NAV2: variants seen among roughly 807,000 people sequenced by gnomAD.
The protein encoded by NAV2 is neuron navigator 2.
Under a neutral mutation model 223.2 loss-of-function variants are expected in NAV2, and 54 were observed. The observed-to-expected ratio is 0.24, with a 90% CI of 0.19 to 0.30. NAV2 has a LOEUF of 0.30. NAV2 is among the 10% of genes least tolerant of loss of function. The probability of loss-of-function intolerance (pLI) is 1.00; values close to 1 mark genes in which losing one functional copy is unlikely to be tolerated. For synonymous variants in NAV2, 1,279 were observed against 1,239.3 expected, an observed-to-expected ratio of 1.03 and a Z score of -0.67; for missense variants, 2,806 against 3,147.5, an observed-to-expected ratio of 0.89 and a Z score of 2.60.
rs369346832 is a variant in NAV2, at chr11:19,924,074, G to A, written c.932-9102G>A. Among the ~76,000 whole-genome samples, 25 of 152,230 alleles carry A rather than the reference G, an allele frequency of 1.6e-4. No individual in the cohort carries two copies. In the South Asian group the frequency reaches 3.5e-3, roughly 21 times the overall value. ...GTAGAATACATTTGATGTAAAGGGC[G>A]TGTGTGTGAGAGAGAGGGAGAGATT... On this transcript the variant is annotated intron_variant, in intron 6 of 37. Coordinates refer to ENST00000349880, the MANE Select transcript of NAV2 (RefSeq NM_145117.5).
intron 1 of NAV2, among the ~76,000 whole-genome samples, chr11:19,632,893 TAAG>T (rs1273701051): frequency 6.6e-6 from 1 of 152,232 alleles, no homozygotes; most frequent in Non-Finnish European, 1.5e-5. Flanking sequence ...CCAAACCCTT[TAAG>T]AAGATGTTAT....
In NAV2 at chr11:20,075,317, G is replaced by T. The variant is rs539007276; in HGVS notation, c.4984-2235G>T. On this transcript the variant is annotated intron_variant, in intron 22 of 37. Coordinates refer to ENST00000349880, the MANE Select transcript of NAV2 (RefSeq NM_145117.5). ...TGGCTCACTGCAAGCTCCGCCTCCC[G>T]GGTTCACGCCATTCTCCTGCCTCAG... is the stretch of plus-strand genomic sequence containing the variant. Among the ~76,000 whole-genome samples the T allele has an allele frequency of 2.2e-3, 328 of 151,560 alleles. 2 individuals are homozygous for T. Among genetic ancestry groups the T allele is most frequent in the African/African-American group, 7.6e-3 (312 of 41,314 alleles).
chr11:19,366,145 C>A (rs1220039418), intron 1 of NAV2, among the ~76,000 whole-genome samples: 1 of 152,198 alleles, frequency 6.6e-6, no homozygotes. Flanking sequence ...GGTGACCTCT[C>A]CCCTGAGCCA....
chr11:19,458,202 C>A (rs1226232985), intron 1 of NAV2, among the ~76,000 whole-genome samples: 1 of 152,208 alleles, frequency 6.6e-6, no homozygotes, highest in Non-Finnish European at 1.5e-5. Flanking sequence ...TAGCTGCCAT[C>A]CTCCTGAAGC....
chr11:19,608,429 A>T (rs965433252), intron 1 of NAV2, among the ~76,000 whole-genome samples: 2 of 152,258 alleles, frequency 1.3e-5, no homozygotes, highest in African/African-American at 4.8e-5. Context: ...GCATGAACAC[A>T]ATGATACCCG....
intron 12 of NAV2, among the ~76,000 whole-genome samples, chr11:20,041,108 A>G (rs2153576976): frequency 6.6e-6 from 1 of 152,158 alleles, no homozygotes; most frequent in East Asian, 1.9e-4. Flanking sequence ...CTGCTCTAGA[A>G]CTGGGGTTGG....
intron 1 of NAV2, among the ~76,000 whole-genome samples, chr11:19,596,664 A>T (rs562951257): frequency 3.3e-5 from 5 of 152,302 alleles, no homozygotes; most frequent in Admixed American, 1.3e-4. Flanking sequence ...TTCCCAAGGG[A>T]CACAGGCAGA....
At chr11:19,688,168 G>T (rs191929485) in intron 1 of NAV2, among the ~76,000 whole-genome samples, 50 of 152,312 alleles carry the variant, frequency 3.3e-4, no homozygotes, top group African/African-American at 1.1e-3. Context: ...GAGAAGCAAA[G>T]AATCCCAATT....
At position 19,933,880 on chromosome 11, in the gene NAV2, G is replaced by C; in HGVS notation, c.1636G>C (p.Gly546Arg). 1 of 1,598,770 alleles carries C rather than the reference G, an allele frequency of 6.3e-7. No homozygotes were observed. The highest frequency in any genetic ancestry group is 8.5e-7 in the Non-Finnish European group (1 of 1,174,614). Residue 546 changes from glycine to arginine, a missense_variant, in exon 7 of 38, where the codon GGG becomes CGG. Physicochemically the swap from Gly to Arg is moderately radical, Grantham distance 125 (BLOSUM62 -2). Coordinates refer to ENST00000349880, the MANE Select transcript of NAV2 (RefSeq NM_145117.5). The surrounding 1 kb of genome is among the most constrained non-coding windows in gnomAD (Gnocchi z 4.3). ...SSKIASFIPK[G>R]GKLNSAKKEP... ...CAAGATTGCCAGCTTCATCCCCAAA[G>C]GGGGGAAGCTCAACAGTGCCAAGAA...
intron 6 of NAV2, among the ~76,000 whole-genome samples, chr11:19,898,774 A>G (rs2042207052): frequency 6.6e-6 from 1 of 152,216 alleles, no homozygotes; most frequent in African/African-American, 2.4e-5. Flanking sequence ...CCCATCAACA[A>G]GATATGAGAG....
intron 19 of NAV2, among the ~76,000 whole-genome samples, chr11:20,059,989 G>T (rs1486223974): frequency 6.6e-6 from 1 of 152,200 alleles, no homozygotes; most frequent in Non-Finnish European, 1.5e-5. Flanking sequence ...GAAAATCAAG[G>T]ATCTGTCTCT....
intron 26 of NAV2, among the ~76,000 whole-genome samples, chr11:20,085,913 A>G (rs576663086): frequency 1.2e-4 from 19 of 152,216 alleles, no homozygotes; most frequent in Non-Finnish European, 2.5e-4. Flanking sequence ...GAAGAAGTGA[A>G]GGAGGAAATG....
At chr11:19,648,314 T>C (rs77606689) in intron 1 of NAV2, among the ~76,000 whole-genome samples, 4,227 of 152,312 alleles carry the variant, frequency 0.028, 177 homozygotes, top group African/African-American at 0.086. Flanking sequence ...TATACACATC[T>C]CTTCCCCTGC....
rs138308099 is a variant in NAV2 at position 20,035,875 on chromosome 11, G to A, written c.2769-84G>A. ...ATGGCACAGATTGGATCTTTTCGGG[G>A]ATGGTGTTTGTCTGTCTGTGTCATC... On this transcript the variant is annotated intron_variant, in intron 11 of 37. Transcript: ENST00000349880. The A allele has an allele frequency of 1.6e-5, 24 of 1,525,364 alleles. No individual in the cohort carries two copies. In the South Asian group the frequency reaches 2.9e-4, roughly 18 times the overall value. 94.5% of individuals were successfully genotyped at this position (1,525,364 alleles called of 1,614,324 possible).
intron 1 of NAV2, among the ~76,000 whole-genome samples, chr11:19,527,692 T>G (rs1043824167): frequency 7.0e-6 from 1 of 142,984 alleles, no homozygotes; most frequent in Non-Finnish European, 1.5e-5. Context: ...AATCATGAAC[T>G]TCTGCAGCTT....
intron 9 of NAV2, 139 bp downstream of exon 9, chr11:19,946,648 T>G: frequency 1.4e-6 from 1 of 736,766 alleles, no homozygotes; most frequent in Non-Finnish European, 2.3e-6. Context: ...TCACAAAGAA[T>G]GCCATATGAC....
In NAV2 at chr11:20,065,806, C is replaced by T. The variant is rs148615972; in HGVS notation, c.4885-2380C>T. On this transcript the variant is annotated intron_variant, in intron 20 of 37. Coordinates refer to ENST00000349880, the MANE Select transcript of NAV2 (RefSeq NM_145117.5). The stretch of plus-strand genomic sequence containing the variant: ...ATGGCTAAGCCTGCTAACAGGCCTC[C>T]GCCAGCCTTCTAAATGTTAGATAGT... 2.3e-4 allele frequency among the ~76,000 whole-genome samples: 35 copies of T among 152,324 alleles called. 1 individual carries two copies. The East Asian group carries it at 5.2e-3, about 23-fold the overall frequency.
chr11:19,623,027 T>A (rs1449089017), intron 1 of NAV2, among the ~76,000 whole-genome samples: 1 of 152,194 alleles, frequency 6.6e-6, no homozygotes, highest in Non-Finnish European at 1.5e-5. Context: ...CTTATGAAGC[T>A]TAGTTTGGCT....
At chr11:19,424,794 G>A (rs986269202) in intron 1 of NAV2, among the ~76,000 whole-genome samples, 1 of 151,896 alleles carries the variant, frequency 6.6e-6, no homozygotes, top group African/African-American at 2.4e-5. Flanking sequence ...CAAGTGATCC[G>A]CCCACCTCAG....
Sources: gnomAD v4.1 joint callset for allele counts (sites outside exome capture counted in the v4.1 genomes callset) on GRCh38, gnomAD v4.1.1 for gene constraint, Gnocchi (gnomAD v3.1) non-coding constraint, MANE v1.5 for transcripts, NCBI Gene and HGNC (gene_info 2026-07-23, HGNC 2026-07-21) for gene names.